Variants in KHDRBS2 observed in about 807,000 individuals in gnomAD.
KHDRBS2 encodes KH domain-containing, RNA-binding, signal transduction-associated protein 2.
KHDRBS2 carries 26 observed loss-of-function variants against 44.3 expected under a neutral mutation model. The ratio of observed to expected loss-of-function variants is 0.59; its 90% CI spans 0.43 to 0.81. KHDRBS2 has a LOEUF of 0.81. KHDRBS2 is among the 40% of genes least tolerant of loss of function. The probability of loss-of-function intolerance (pLI) is 0.00; values close to 1 mark genes in which losing one functional copy is unlikely to be tolerated. For synonymous variants in KHDRBS2, 194 were observed against 151.1 expected, an observed-to-expected ratio of 1.28 and a Z score of -2.08; for missense variants, 476 against 433.1, an observed-to-expected ratio of 1.10 and a Z score of -0.88.
intron 3 of KHDRBS2, among the ~76,000 whole-genome samples, chr6:62,019,218 A>G (rs2127278182): frequency 6.6e-6 from 1 of 152,204 alleles, no homozygotes; most frequent in Non-Finnish European, 1.5e-5. Context: ...TAGTATTAGT[A>G]AGTACTAATA....
chr6:61,955,098 GTATA>G (rs1304974866), intron 4 of KHDRBS2, among the ~76,000 whole-genome samples: 1 of 118,708 alleles, frequency 8.4e-6, no homozygotes, highest in Admixed American at 8.3e-5. Flanking sequence ...ATACATATAT[GTATA>G]TATACACATA....
At chr6:61,617,569 GTTAAAAT>G in the KHDRBS2 span, among the ~76,000 whole-genome samples, 1 of 152,074 alleles carries the variant, frequency 6.6e-6, no homozygotes, top group Non-Finnish European at 1.5e-5. Flanking sequence ...AGAATTAAAT[GTTAAAAT>G]ACAAATTAAG....
At chr6:61,769,214 G>C (rs577790285) in intron 6 of KHDRBS2, among the ~76,000 whole-genome samples, 1 of 152,236 alleles carries the variant, frequency 6.6e-6, no homozygotes, top group South Asian at 2.1e-4. Context: ...AACAGCTCCG[G>C]TCTACGGAGC....
At chr6:61,733,266 G>A (rs1774780519) in intron 6 of KHDRBS2, among the ~76,000 whole-genome samples, 1 of 152,054 alleles carries the variant, frequency 6.6e-6, no homozygotes, top group South Asian at 2.1e-4. Flanking sequence ...AAGAAAAAAA[G>A]AGGGAACTAA....
chr6:62,093,532 T>C (rs531096757), intron 2 of KHDRBS2, among the ~76,000 whole-genome samples: 1 of 152,106 alleles, frequency 6.6e-6, no homozygotes, highest in African/African-American at 2.4e-5. Flanking sequence ...AAATATACAC[T>C]GTATTTAACA....
intron 1 of KHDRBS2, among the ~76,000 whole-genome samples, chr6:62,275,962 C>T (rs1840871860): frequency 6.6e-6 from 1 of 152,116 alleles, no homozygotes; most frequent in Non-Finnish European, 1.5e-5. Flanking sequence ...TTGAGTCATC[C>T]CTTTCTTCTT....
the KHDRBS2 span, among the ~76,000 whole-genome samples, chr6:61,592,187 CCAAAAAAAAAAA>C: frequency 3.7e-5 from 1 of 26,886 alleles, no homozygotes; most frequent in African/African-American, 2.3e-4. Context: ...CAAGATCCCA[CCAAAAAAAAAAA>C]AAAAAAAAAA....
At chr6:62,185,442 G>A (rs1393256700) in intron 1 of KHDRBS2, among the ~76,000 whole-genome samples, 2 of 151,882 alleles carry the variant, frequency 1.3e-5, no homozygotes, top group Non-Finnish European at 2.9e-5. Context: ...GTGAATACTG[G>A]TCTAATTCCA....
At chr6:61,869,930 C>A (rs1798373126) in intron 6 of KHDRBS2, among the ~76,000 whole-genome samples, 1 of 151,370 alleles carries the variant, frequency 6.6e-6, no homozygotes, top group South Asian at 2.1e-4. Flanking sequence ...AACTGGGCAG[C>A]CATTCGGGTA....
At chr6:62,034,293 C>T (rs1045743645) in intron 3 of KHDRBS2, among the ~76,000 whole-genome samples, 11 of 151,762 alleles carry the variant, frequency 7.2e-5, no homozygotes, top group African/African-American at 2.7e-4. Flanking sequence ...TTCCAACAAA[C>T]AGAGGAGAAA....
chr6:62,050,300 G>T (rs1173290953), intron 2 of KHDRBS2, among the ~76,000 whole-genome samples: 1 of 151,986 alleles, frequency 6.6e-6, no homozygotes, highest in Non-Finnish European at 1.5e-5. Context: ...TGGGGGTAAG[G>T]GGAGGGATAT....
intron 3 of KHDRBS2, among the ~76,000 whole-genome samples, chr6:61,988,630 G>C (rs1390079912): frequency 1.3e-5 from 2 of 152,174 alleles, no homozygotes; most frequent in Non-Finnish European, 2.9e-5. Flanking sequence ...GTGCATGTAA[G>C]TGTACTAGTT....
At chr6:61,974,501 A>G (rs997666045) in intron 4 of KHDRBS2, among the ~76,000 whole-genome samples, 4 of 152,114 alleles carry the variant, frequency 2.6e-5, no homozygotes, top group African/African-American at 9.7e-5. Context: ...TACAATTCTA[A>G]CCTGTATTTT....
At chr6:61,730,043 G>A (rs1774192386) in intron 7 of KHDRBS2, among the ~76,000 whole-genome samples, 1 of 151,922 alleles carries the variant, frequency 6.6e-6, no homozygotes, top group Admixed American at 6.6e-5. Context: ...ATTAGAAATT[G>A]GCACGATATT....
At chr6:62,167,136 T>C (rs1818867689) in intron 2 of KHDRBS2, among the ~76,000 whole-genome samples, 1 of 152,032 alleles carries the variant, frequency 6.6e-6, no homozygotes, top group African/African-American at 2.4e-5. Context: ...GTAGAAAATA[T>C]TGGCCTGAGG....
At chr6:62,209,490 C>A (rs183544064) in intron 1 of KHDRBS2, among the ~76,000 whole-genome samples, 8 of 152,156 alleles carry the variant, frequency 5.3e-5, no homozygotes, top group Non-Finnish European at 1.2e-4. Flanking sequence ...CACACATACC[C>A]GTCACTACCA....
chr6:61,555,221 T>G, the KHDRBS2 span, among the ~76,000 whole-genome samples: 2 of 152,194 alleles, frequency 1.3e-5, no homozygotes, highest in African/African-American at 4.8e-5. Flanking sequence ...ATTTTTTTTC[T>G]TTATTTGATC....
chr6:62,058,066 CATCTT>C (rs1290910204), intron 2 of KHDRBS2, among the ~76,000 whole-genome samples: 1 of 151,792 alleles, frequency 6.6e-6, no homozygotes, highest in Non-Finnish European at 1.5e-5. Flanking sequence ...TACATTAAAA[CATCTT>C]TTCTTTTTTT....
chr6:61,946,717 G>A (rs765501481), intron 4 of KHDRBS2, among the ~76,000 whole-genome samples: 79 of 152,136 alleles, frequency 5.2e-4, no homozygotes, highest in Non-Finnish European at 1.0e-3. Context: ...CTGTTAGAGC[G>A]CTAGCATTAT....
Sources: gnomAD v4.1 joint callset for allele counts (sites outside exome capture counted in the v4.1 genomes callset) on GRCh38, gnomAD v4.1.1 for gene constraint, MANE v1.5 for transcripts, NCBI Gene and HGNC (gene_info 2026-07-23, HGNC 2026-07-21) for gene names.